UNC5D: variants seen among roughly 807,000 people sequenced by gnomAD.
UNC5D encodes the protein netrin receptor UNC5D.
UNC5D carries 39 observed loss-of-function variants against 105.4 expected under a neutral mutation model. The ratio of observed to expected loss-of-function variants is 0.37; its 90% confidence interval spans 0.29 to 0.48. The LOEUF is 0.48. Ranked by LOEUF, UNC5D falls within the 20% of genes least tolerant of loss-of-function variation. UNC5D has a pLI of 0.98. For missense variants in UNC5D, 991 were observed against 1,202.4 expected, an observed-to-expected ratio of 0.82 and a Z score of 2.60; for synonymous variants, 452 against 450.4, an observed-to-expected ratio of 1.00 and a Z score of -0.04.
At chr8:35,660,339 A>C (rs1207027779) in intron 4 of UNC5D, among the ~76,000 whole-genome samples, 2 of 152,188 alleles carry the variant, frequency 1.3e-5, no homozygotes. Flanking sequence ...AGCTTCTTCC[A>C]CTTGCTGTTA....
chr8:35,547,279 A>G (rs997415221), intron 1 of UNC5D, among the ~76,000 whole-genome samples: 1 of 133,672 alleles, frequency 7.5e-6, no homozygotes, highest in African/African-American at 3.0e-5. Flanking sequence ...TCAACAGAAC[A>G]TTACTCTTTT....
intron 11 of UNC5D, among the ~76,000 whole-genome samples, chr8:35,736,505 A>G (rs1228757913): frequency 2.6e-5 from 4 of 152,252 alleles, no homozygotes; most frequent in Non-Finnish European, 5.9e-5. Context: ...TTCAACAAGC[A>G]TAATTGTTAA....
intron 4 of UNC5D, among the ~76,000 whole-genome samples, chr8:35,659,426 C>T (rs745685093): frequency 3.9e-5 from 6 of 152,176 alleles, no homozygotes; most frequent in Non-Finnish European, 8.8e-5. Context: ...TGGAAACAAA[C>T]ATGAACAAGG....
intron 1 of UNC5D, among the ~76,000 whole-genome samples, chr8:35,393,789 G>A (rs1803929136): frequency 6.6e-6 from 1 of 152,196 alleles, no homozygotes; most frequent in South Asian, 2.1e-4. Flanking sequence ...AGCCATAGAA[G>A]ATATGTGGCT....
chr8:35,763,446 CTTTTTTTTTT>C (rs201449850), intron 14 of UNC5D, among the ~76,000 whole-genome samples: 2 of 124,728 alleles, frequency 1.6e-5, no homozygotes, highest in African/African-American at 5.9e-5. Context: ...TGGTCAGTGC[CTTTTTTTTTT>C]TTTTTTTTGG....
intron 1 of UNC5D, among the ~76,000 whole-genome samples, chr8:35,518,443 G>A (rs1430853365): frequency 2.0e-5 from 3 of 150,732 alleles, no homozygotes; most frequent in Non-Finnish European, 1.5e-5. Context: ...ATATCCTTCT[G>A]CAACATTTTT....
At chr8:35,330,858 G>T in intron 1 of UNC5D, among the ~76,000 whole-genome samples, 1 of 152,156 alleles carries the variant, frequency 6.6e-6, no homozygotes, top group East Asian at 1.9e-4. Flanking sequence ...TGTGGATAAA[G>T]TGATAAGTGG....
intron 4 of UNC5D, among the ~76,000 whole-genome samples, chr8:35,676,739 A>G (rs962775058): frequency 2.0e-5 from 3 of 152,196 alleles, no homozygotes; most frequent in African/African-American, 7.2e-5. Context: ...CATATGCACC[A>G]TAACATTCAT....
chr8:35,316,005 T>G (rs1482208445), intron 1 of UNC5D, among the ~76,000 whole-genome samples: 2 of 152,156 alleles, frequency 1.3e-5, no homozygotes, highest in Non-Finnish European at 2.9e-5. Flanking sequence ...GCTTTATAGC[T>G]TAAAGAGATC....
chr8:35,334,563 G>GTTT (rs1431239216), intron 1 of UNC5D, among the ~76,000 whole-genome samples: 1 of 151,310 alleles, frequency 6.6e-6, no homozygotes, highest in Non-Finnish European at 1.5e-5. Context: ...CCCAGGCTGG[G>GTTT]GTGCAATGGC....
intron 4 of UNC5D, among the ~76,000 whole-genome samples, chr8:35,604,453 C>T (rs532198952): frequency 1.3e-5 from 2 of 152,288 alleles, no homozygotes; most frequent in Admixed American, 1.3e-4. Flanking sequence ...GTAACCCGAC[C>T]TTTCTCTCTG....
At chr8:35,498,895 C>T (rs1446043973) in intron 1 of UNC5D, among the ~76,000 whole-genome samples, 1 of 152,020 alleles carries the variant, frequency 6.6e-6, no homozygotes, top group African/African-American at 2.4e-5. Flanking sequence ...CTATTAGATC[C>T]TGTTCCTCAA....
intron 8 of UNC5D, among the ~76,000 whole-genome samples, chr8:35,711,221 C>T (rs1193924055): frequency 6.6e-6 from 1 of 151,626 alleles, no homozygotes; most frequent in East Asian, 1.9e-4. Flanking sequence ...GCCCTGTCAC[C>T]TGGGCTGAAG....
intron 1 of UNC5D, among the ~76,000 whole-genome samples, chr8:35,539,681 C>A (rs186570495): frequency 6.6e-6 from 1 of 152,216 alleles, no homozygotes; most frequent in Admixed American, 6.5e-5. Context: ...TTGCCTGTGT[C>A]CACATCACAT....
chr8:35,443,967 GT>G (rs758365488), intron 1 of UNC5D, among the ~76,000 whole-genome samples: 2 of 151,878 alleles, frequency 1.3e-5, no homozygotes, highest in Non-Finnish European at 2.9e-5. Context: ...GATATTTATT[GT>G]AAGTGTTTTT....
chr8:35,717,454 A>T (rs1330243653), intron 8 of UNC5D, among the ~76,000 whole-genome samples: 1 of 152,186 alleles, frequency 6.6e-6, no homozygotes, highest in Non-Finnish European at 1.5e-5. Flanking sequence ...ACTGGATATG[A>T]TTATCATGCA....
At chr8:35,647,866 C>T (rs1823153919) in intron 4 of UNC5D, among the ~76,000 whole-genome samples, 1 of 152,160 alleles carries the variant, frequency 6.6e-6, no homozygotes, top group African/African-American at 2.4e-5. Context: ...TGTTCCTCTA[C>T]ATTTTTACTT....
At chr8:35,461,834 G>A (rs1178657440) in intron 1 of UNC5D, among the ~76,000 whole-genome samples, 1 of 152,118 alleles carries the variant, frequency 6.6e-6, no homozygotes, top group Non-Finnish European at 1.5e-5. Flanking sequence ...ATTGAAATTA[G>A]ACCTGGTTGC....
intron 3 of UNC5D, among the ~76,000 whole-genome samples, chr8:35,583,231 T>C (rs1818569383): frequency 1.3e-5 from 2 of 152,190 alleles, no homozygotes; most frequent in Non-Finnish European, 2.9e-5. Flanking sequence ...CATGTGCCTG[T>C]AGTTCTAGCT....
Sources: gnomAD v4.1 joint callset for allele counts (sites outside exome capture counted in the v4.1 genomes callset) on GRCh38, gnomAD v4.1.1 for gene constraint, MANE v1.5 for transcripts, NCBI Gene and HGNC (gene_info 2026-07-23, HGNC 2026-07-21) for gene names.